ACYP2: variants seen among roughly 807,000 people sequenced by gnomAD.
ACYP2 encodes the protein acylphosphatase-2.
In ACYP2, 12 loss-of-function variants were observed where a neutral mutation model predicts 11.2. The ratio of observed to expected loss-of-function variants is 1.08; its 90% CI spans 0.69 to 1.74. The LOEUF (loss-of-function observed/expected upper bound fraction) is 1.74, where lower values mean the gene tolerates loss of function less well. ACYP2 is among the 40% of genes most tolerant of loss of function. ACYP2 has a pLI of 0.00. For missense variants in ACYP2, 134 were observed against 101.9 expected, an observed-to-expected ratio of 1.31 and a Z score of -1.35; for synonymous variants, 43 against 32.2, an observed-to-expected ratio of 1.33 and a Z score of -1.13.
At chr2:53,996,424 AG>A (rs1558460681) in intron 2 of ACYP2, among the ~76,000 whole-genome samples, 1 of 152,104 alleles carries the variant, frequency 6.6e-6, no homozygotes, top group East Asian at 1.9e-4. Context: ...GAAAGGAAAG[AG>A]GGGAGTAAAG....
At chr2:54,120,265 G>T (rs527737542) in intron 4 of ACYP2, among the ~76,000 whole-genome samples, 1 of 152,306 alleles carries the variant, frequency 6.6e-6, no homozygotes, top group South Asian at 2.1e-4. Context: ...CAAGGACTTT[G>T]GGAGAGGGTT....
chr2:54,280,661 C>T (rs1688808749), intron 6 of ACYP2, among the ~76,000 whole-genome samples: 1 of 152,104 alleles, frequency 6.6e-6, no homozygotes, highest in African/African-American at 2.4e-5. Context: ...AGTAAGATGG[C>T]AAAACAATAT....
intron 6 of ACYP2, among the ~76,000 whole-genome samples, chr2:54,234,281 C>G (rs1558632160): frequency 6.6e-6 from 1 of 152,216 alleles, no homozygotes. Flanking sequence ...AGTCAACAAG[C>G]AAAATGCTTT....
chr2:54,250,835 C>T (rs1279471197), intron 6 of ACYP2, among the ~76,000 whole-genome samples: 2 of 152,134 alleles, frequency 1.3e-5, no homozygotes, highest in Non-Finnish European at 2.9e-5. Flanking sequence ...TTTGTTGGTA[C>T]TAATACTGTA....
chr2:54,255,173 G>T (rs1403558134), intron 6 of ACYP2: 1 of 1,614,182 alleles, frequency 6.2e-7, no homozygotes. Flanking sequence ...CACATGATTA[G>T]AGTGGAAAAA....
At chr2:54,175,029 T>A (rs1286149524) in intron 6 of ACYP2, among the ~76,000 whole-genome samples, 5 of 152,236 alleles carry the variant, frequency 3.3e-5, no homozygotes, top group Non-Finnish European at 7.3e-5. Flanking sequence ...GGTATCAGGA[T>A]GATGCTGGCC....
At chr2:54,220,657 T>G (rs1255410809) in intron 6 of ACYP2, among the ~76,000 whole-genome samples, 2 of 152,224 alleles carry the variant, frequency 1.3e-5, no homozygotes, top group Non-Finnish European at 2.9e-5. Flanking sequence ...CTGATTCAAT[T>G]GAAACACATA....
intron 6 of ACYP2, among the ~76,000 whole-genome samples, chr2:54,279,749 G>C (rs1044164000): frequency 6.6e-6 from 1 of 152,076 alleles, no homozygotes; most frequent in African/African-American, 2.4e-5. Flanking sequence ...AAACTCTCCT[G>C]TATTCATAGA....
chr2:54,074,069 G>C (rs1326490833), intron 4 of ACYP2, among the ~76,000 whole-genome samples: 2 of 152,202 alleles, frequency 1.3e-5, no homozygotes. Context: ...GCCGGATGCA[G>C]TGACTCATAC....
At chr2:54,026,392 A>T (rs1056059691) in intron 2 of ACYP2, among the ~76,000 whole-genome samples, 9 of 152,050 alleles carry the variant, frequency 5.9e-5, no homozygotes, top group African/African-American at 1.9e-4. Context: ...AACCATAATT[A>T]AAAAATAAAA....
Position 54,224,218 on chromosome 2 carries a change from A to T in ACYP2, c.405-80470A>T, listed in dbSNP as rs766320004. On this transcript the variant is annotated intron_variant, in intron 6 of 6. Transcript: ENST00000607452. ...CCAGGCCTCATTCAGCCACACTGGCATGCCCCAGTTTTCCTGTGGTATAGC... is the reference window on the plus strand; with the variant it reads ...CCAGGCCTCATTCAGCCACACTGGCTTGCCCCAGTTTTCCTGTGGTATAGC... Among the ~76,000 whole-genome samples the T allele has an allele frequency of 6.9e-4, 105 of 152,368 alleles. No homozygotes were observed. In the Middle Eastern group the frequency reaches 0.024, roughly 35 times the overall value.
At chr2:54,103,738 G>A (rs1679018953) in intron 4 of ACYP2, among the ~76,000 whole-genome samples, 2 of 152,336 alleles carry the variant, frequency 1.3e-5, no homozygotes, top group Middle Eastern at 3.4e-3. Flanking sequence ...TCAAGAAAGT[G>A]AATAGGAAAT....
At chr2:54,297,487 G>A (rs1391079722) in intron 6 of ACYP2, among the ~76,000 whole-genome samples, 1 of 152,082 alleles carries the variant, frequency 6.6e-6, no homozygotes, top group Non-Finnish European at 1.5e-5. Context: ...GACAAAGTGA[G>A]ACCCCCATCT....
intron 2 of ACYP2, among the ~76,000 whole-genome samples, chr2:54,000,438 G>A (rs565136544): frequency 4.0e-4 from 61 of 152,172 alleles, no homozygotes; most frequent in Non-Finnish European, 7.6e-4. Context: ...ATTACAAGAC[G>A]TTAAATTTGG....
intron 6 of ACYP2, among the ~76,000 whole-genome samples, chr2:54,297,021 T>G (rs755983564): frequency 6.6e-6 from 1 of 152,180 alleles, no homozygotes; most frequent in Non-Finnish European, 1.5e-5. Flanking sequence ...ATTCAATATT[T>G]ATTGAGTAAG....
At chr2:54,035,538 T>A (rs1164901094) in intron 2 of ACYP2, among the ~76,000 whole-genome samples, 4 of 152,162 alleles carry the variant, frequency 2.6e-5, no homozygotes, top group African/African-American at 9.7e-5. Context: ...GTGCTGGAAT[T>A]ACAGGTGCAA....
chr2:54,141,139 G>A (rs756721006), intron 6 of ACYP2, among the ~76,000 whole-genome samples: 1 of 151,864 alleles, frequency 6.6e-6, no homozygotes, highest in East Asian at 1.9e-4. Context: ...TTTTTCTATC[G>A]AGTTGCTTGT....
chr2:54,291,306 G>C (rs1027956869), intron 6 of ACYP2, among the ~76,000 whole-genome samples: 1 of 152,088 alleles, frequency 6.6e-6, no homozygotes, highest in African/African-American at 2.4e-5. Context: ...CTTCAATGTT[G>C]GTTGGGATGC....
intron 4 of ACYP2, among the ~76,000 whole-genome samples, chr2:54,105,067 A>G (rs1211143981): frequency 6.6e-6 from 1 of 152,176 alleles, no homozygotes; most frequent in African/African-American, 2.4e-5. Flanking sequence ...TTTGAATACT[A>G]TTTTGTTGAA....
Sources: gnomAD v4.1 joint callset for allele counts (sites outside exome capture counted in the v4.1 genomes callset) on GRCh38, gnomAD v4.1.1 for gene constraint, MANE v1.5 for transcripts, NCBI Gene and HGNC (gene_info 2026-07-23, HGNC 2026-07-21) for gene names.